The following SNAP29 variants were observed in gnomAD, a reference collection of about 807,000 sequenced individuals.
SNAP29 encodes the protein synaptosomal-associated protein 29.
SNAP29 carries 13 observed loss-of-function variants against 27.9 expected under a neutral mutation model. The ratio of observed to expected loss-of-function variants is 0.47; its 90% confidence interval spans 0.30 to 0.74. The LOEUF (loss-of-function observed/expected upper bound fraction) is 0.74. SNAP29 is among the 30% of genes least tolerant of loss of function. The pLI, the probability that SNAP29 is intolerant of heterozygous loss-of-function variation, is 0.06. For synonymous variants in SNAP29, 119 were observed against 127.1 expected, an observed-to-expected ratio of 0.94 and a Z score of 0.43; for missense variants, 368 against 336.5, an observed-to-expected ratio of 1.09 and a Z score of -0.73.
rs150339331 is a variant in SNAP29 at position 20,888,191 on chromosome 22, G to A, written c.*355G>A. 5.7e-6 allele frequency: 2 copies of A among 347,998 alleles called. No individual in the cohort carries two copies. Among genetic ancestry groups the A allele is most frequent in the South Asian group, 2.3e-5 (1 of 42,952 alleles). The allele number at this position is 347,998 out of a possible 1,614,324, so 21.6% of individuals were successfully genotyped here. On this transcript the variant is annotated 3_prime_UTR_variant, in exon 5 of 5. Coordinates refer to ENST00000215730, the MANE Select transcript of SNAP29 (RefSeq NM_004782.4). ...ATGGGAACAGAATTTCAGTCTTGCA[G>A]CCATGAGCCTCTATTTCTCATTCCT...
intron 2 of SNAP29, among the ~76,000 whole-genome samples, chr22:20,873,958 C>CT (rs1322773237): frequency 9.4e-5 from 7 of 74,804 alleles, no homozygotes; most frequent in African/African-American, 4.0e-4. Flanking sequence ...CAGTGAGACT[C>CT]TGTCTCAAAA....
At position 20,888,739 on chromosome 22, in the gene SNAP29, A is replaced by T. The variant is rs1356715076; in HGVS notation, c.*903A>T. ...TTCCTCCACCCCTCTGGGAATCACCATTAGGCAGGCCTCAGTAGGGCAAAA... is the reference window on the plus strand; with the variant it reads ...TTCCTCCACCCCTCTGGGAATCACCTTTAGGCAGGCCTCAGTAGGGCAAAA... On this transcript the variant is annotated 3_prime_UTR_variant, in exon 5 of 5. Coordinates refer to ENST00000215730, the MANE Select transcript of SNAP29 (RefSeq NM_004782.4). 2 of 152,276 alleles carry T rather than the reference A, an allele frequency of 1.3e-5. No homozygotes were observed. Among genetic ancestry groups the T allele is most frequent in the African/African-American group, 4.8e-5 (2 of 41,462 alleles). 9.4% of individuals were successfully genotyped at this position (152,276 alleles called of 1,614,324 possible). A position where few individuals can be genotyped will look rare whatever the true frequency, so the allele number is the denominator to read the frequency against.
chr22:20,867,755 G>C (rs1210996777), intron 1 of SNAP29, among the ~76,000 whole-genome samples: 3 of 152,186 alleles, frequency 2.0e-5, no homozygotes, highest in African/African-American at 7.2e-5. Flanking sequence ...CTTAACAGTA[G>C]CACAGACTCT....
At chr22:20,869,175 G>T (rs767906160) in intron 1 of SNAP29, among the ~76,000 whole-genome samples, 1 of 152,166 alleles carries the variant, frequency 6.6e-6, no homozygotes, top group Non-Finnish European at 1.5e-5. Flanking sequence ...CAGGAGAATC[G>T]CTTGAACACA....
rs533532149 is a variant in SNAP29 at position 20,889,319 on chromosome 22, A to G, written c.*1483A>G. On this transcript the variant is annotated 3_prime_UTR_variant, in exon 5 of 5. Transcript: ENST00000215730. ...TTTATGTAGCAATTTGTTTATAAAA[A>G]TTCCCATCCCATAATGCATGACCTT... 1 of 152,320 alleles carries G rather than the reference A, an allele frequency of 6.6e-6. No homozygotes were observed. Among genetic ancestry groups the G allele is most frequent in the Admixed American group, 6.5e-5 (1 of 15,286 alleles). 9.4% of individuals were successfully genotyped at this position (152,320 alleles called of 1,614,324 possible). A position where few individuals can be genotyped will look rare whatever the true frequency, so the allele number is the denominator to read the frequency against.
At chr22:20,866,497 AAC>A (rs1928463084) in intron 1 of SNAP29, among the ~76,000 whole-genome samples, 1 of 152,176 alleles carries the variant, frequency 6.6e-6, no homozygotes, top group Non-Finnish European at 1.5e-5. Flanking sequence ...CAGTATGAGA[AAC>A]ACAGTATTGA....
At chr22:20,871,909 GTAGACTTCAGTGT>G (rs1005511076) in intron 2 of SNAP29, among the ~76,000 whole-genome samples, 4 of 152,050 alleles carry the variant, frequency 2.6e-5, no homozygotes, top group Non-Finnish European at 5.9e-5. Context: ...TGAGATTTTG[GTAGACTTCAGTGT>G]TACATGTTCA....
chr22:20,875,970 G>A (rs778016097), intron 2 of SNAP29, among the ~76,000 whole-genome samples: 12 of 151,894 alleles, frequency 7.9e-5, no homozygotes, highest in Non-Finnish European at 1.5e-4. Context: ...GACCATCCTA[G>A]CTAACACGGT....
At position 20,890,004 on chromosome 22, in the gene SNAP29, A is replaced by C. The variant is rs886057273; in HGVS notation, c.*2168A>C. ...GGGGAGTTGCCTTCACTTTTCTGGAAATTTGTCTTCGTCTGACATATTAGA... is the reference window on the plus strand; with the variant it reads ...GGGGAGTTGCCTTCACTTTTCTGGACATTTGTCTTCGTCTGACATATTAGA... On this transcript the variant is annotated 3_prime_UTR_variant, in exon 5 of 5. Coordinates refer to ENST00000215730, the MANE Select transcript of SNAP29 (RefSeq NM_004782.4). The C allele has an allele frequency of 2.3e-5, 8 of 351,544 alleles. No homozygotes were observed. Among genetic ancestry groups the C allele is most frequent in the Non-Finnish European group, 4.1e-5 (8 of 197,270 alleles). The allele number at this position is 351,544 out of a possible 1,614,324, so 21.8% of individuals were successfully genotyped here. A position where few individuals can be genotyped will look rare whatever the true frequency, so the allele number is the denominator to read the frequency against.
intron 2 of SNAP29, among the ~76,000 whole-genome samples, chr22:20,880,430 C>G (rs948108045): frequency 6.6e-6 from 1 of 151,088 alleles, no homozygotes. Flanking sequence ...CACTTGAACC[C>G]GAGAGGCAGA....
intron 1 of SNAP29, among the ~76,000 whole-genome samples, chr22:20,860,371 CTTT>C (rs361726): frequency 3.5e-3 from 469 of 133,876 alleles, no homozygotes; most frequent in African/African-American, 0.01. Flanking sequence ...TTTTCTTTTT[CTTT>C]TTTTTTTTTT....
At chr22:20,872,820 CTTTTTTTTTTTTT>C (rs361677) in intron 2 of SNAP29, among the ~76,000 whole-genome samples, 2 of 39,878 alleles carry the variant, frequency 5.0e-5, no homozygotes, top group East Asian at 8.1e-4. Context: ...CCACGCCAGG[CTTTTTTTTTTTTT>C]TTTTTTTTTT....
intron 4 of SNAP29, 120 bp downstream of exon 4, chr22:20,883,689 C>T (rs751141544): frequency 1.2e-5 from 9 of 736,810 alleles, no homozygotes; most frequent in South Asian, 9.5e-5. Flanking sequence ...TCACATCCCA[C>T]GCCAAGCTGG....
At chr22:20,884,194 G>A (rs372024071) in intron 4 of SNAP29, among the ~76,000 whole-genome samples, 55 of 152,150 alleles carry the variant, frequency 3.6e-4, no homozygotes, top group African/African-American at 1.2e-3. Context: ...TTAGCCGGGC[G>A]TGGTGGCAGG....
intron 4 of SNAP29, among the ~76,000 whole-genome samples, chr22:20,886,110 A>ACCTT (rs144704533): frequency 3.2e-4 from 46 of 144,712 alleles, no homozygotes; most frequent in Middle Eastern, 3.5e-3. Context: ...CTGAAGACTT[A>ACCTT]TCTTTTTTTT....
At chr22:20,873,317 C>T (rs1260267016) in intron 2 of SNAP29, among the ~76,000 whole-genome samples, 3 of 152,010 alleles carry the variant, frequency 2.0e-5, no homozygotes, top group South Asian at 4.1e-4. Context: ...AACTGCAGAG[C>T]CGTTTTTTTT....
In SNAP29 at chr22:20,887,681, G is replaced by A; in HGVS notation, c.622G>A (p.Glu208Lys). The A allele has an allele frequency of 6.2e-7, 1 of 1,614,178 alleles. No homozygotes were observed. The highest frequency in any genetic ancestry group is 8.5e-7 in the Non-Finnish European group (1 of 1,180,044). The part of the protein sequence containing the change: ...YHQKIDSNLD[E>K]LSMGLGRLKD... ...CGTGTCATTTCCTCCTCCTGCAGAT[G>A]AGCTGTCCATGGGACTGGGTCGTCT... The change falls in exon 5 of 5, where the codon GAG becomes AAG. Residue 208 changes from glutamate to lysine, a missense_variant and splice_region_variant. Coordinates refer to ENST00000215730, the MANE Select transcript of SNAP29 (RefSeq NM_004782.4).
intron 1 of SNAP29, among the ~76,000 whole-genome samples, chr22:20,862,066 G>C (rs775829351): frequency 3.3e-5 from 5 of 152,140 alleles, no homozygotes; most frequent in Admixed American, 1.3e-4. Flanking sequence ...CACTGCGCCC[G>C]GTCCTAACCT....
In SNAP29 at chr22:20,887,766, G is replaced by A. The variant is rs188047996; in HGVS notation, c.707G>A (p.Arg236Gln). The A allele has an allele frequency of 2.4e-5, 38 of 1,614,134 alleles. No homozygotes were observed. The highest frequency in any genetic ancestry group is 1.7e-5 in the Admixed American group (1 of 60,010). The change falls in exon 5 of 5, where the codon CGG becomes CAG. Residue 236 changes from arginine (R) to glutamine (Q), a missense_variant. Transcript: ENST00000215730. ...GAGGAGCAAGATGACATTCTTGACC[G>A]GCTGACAACCAAAGTGGACAAGTTA... is the stretch of plus-strand genomic sequence containing the variant. ...EIEEQDDILD[R>Q]LTTKVDKLDV...
Sources: gnomAD v4.1 joint callset for allele counts (sites outside exome capture counted in the v4.1 genomes callset) on GRCh38, gnomAD v4.1.1 for gene constraint, MANE v1.5 for transcripts, NCBI Gene and HGNC (gene_info 2026-07-23, HGNC 2026-07-21) for gene names.